Variants in SPAG9 observed in about 807,000 individuals in gnomAD.
SPAG9 encodes the protein sperm associated antigen 9, also known as C-Jun-amino-terminal kinase-interacting protein 4.
A neutral mutation model predicts 166.5 loss-of-function variants in SPAG9; 35 were observed. The ratio of observed to expected loss-of-function variants is 0.21; its 90% CI spans 0.16 to 0.28. The LOEUF (loss-of-function observed/expected upper bound fraction) is 0.28. Ranked by LOEUF, SPAG9 falls within the 10% of genes least tolerant of loss-of-function variation. SPAG9 has a pLI of 1.00. For synonymous variants in SPAG9, 534 were observed against 565.5 expected, an observed-to-expected ratio of 0.94 and a Z score of 0.79; for missense variants, 1,235 against 1,603.3, an observed-to-expected ratio of 0.77 and a Z score of 3.92.
intron 1 of SPAG9, among the ~76,000 whole-genome samples, chr17:51,094,944 G>C (rs927145742): frequency 2.6e-5 from 4 of 152,182 alleles, no homozygotes; most frequent in African/African-American, 9.7e-5. Flanking sequence ...AGAATCACCA[G>C]TAAATGTAAA....
chr17:51,027,887 T>TAGA (rs1241595026), intron 6 of SPAG9, among the ~76,000 whole-genome samples: 1 of 152,168 alleles, frequency 6.6e-6, no homozygotes, highest in African/African-American at 2.4e-5. Context: ...GGAAGTACTC[T>TAGA]AGAAGAAGGC....
At chr17:51,041,396 T>C (rs1284522152) in intron 5 of SPAG9, 105 bp downstream of exon 5, 2 of 1,052,862 alleles carry the variant, frequency 1.9e-6, no homozygotes, top group Admixed American at 2.6e-5. Context: ...ACTAAATGTA[T>C]ACAAACAATT....
At chr17:50,969,497 T>G (rs984196764) in intron 29 of SPAG9, among the ~76,000 whole-genome samples, 5 of 152,120 alleles carry the variant, frequency 3.3e-5, no homozygotes, top group Admixed American at 2.6e-4. Context: ...GAACCTCCAG[T>G]CCATCCTTCA....
At chr17:51,113,602 C>T (rs1568100750) in intron 1 of SPAG9, among the ~76,000 whole-genome samples, 2 of 150,970 alleles carry the variant, frequency 1.3e-5, no homozygotes, top group African/African-American at 2.4e-5. Context: ...ACTGCTTGAA[C>T]CCGGGAGGCA....
intron 20 of SPAG9, 94 bp downstream of exon 20, chr17:50,990,356 C>A: frequency 1.0e-6 from 1 of 978,026 alleles, no homozygotes. Flanking sequence ...GTTCTTTCAA[C>A]CTTGTTACTT....
chr17:51,028,260 GA>G (rs935467245), intron 6 of SPAG9, among the ~76,000 whole-genome samples: 3 of 151,786 alleles, frequency 2.0e-5, no homozygotes, highest in South Asian at 2.1e-4. Context: ...TATTATTGAA[GA>G]AAAAAATTAA....
chr17:51,112,971 GA>G (rs71355712), intron 1 of SPAG9, among the ~76,000 whole-genome samples: 37 of 92,908 alleles, frequency 4.0e-4, no homozygotes, highest in East Asian at 6.7e-4. Context: ...CTAAAAAAAA[GA>G]AAAAAAAAAA....
intron 1 of SPAG9, among the ~76,000 whole-genome samples, chr17:51,112,154 T>A (rs1430406182): frequency 6.6e-6 from 1 of 152,050 alleles, no homozygotes; most frequent in Non-Finnish European, 1.5e-5. Context: ...AAACATAGAT[T>A]GTTCATTTCA....
chr17:51,000,946 T>C (rs1440023190), intron 13 of SPAG9, among the ~76,000 whole-genome samples: 1 of 152,180 alleles, frequency 6.6e-6, no homozygotes, highest in African/African-American at 2.4e-5. Flanking sequence ...TTATAAGCAA[T>C]TACTATCACA....
At chr17:50,992,255 T>TA (rs1195469685) in intron 19 of SPAG9, among the ~76,000 whole-genome samples, 4 of 152,128 alleles carry the variant, frequency 2.6e-5, no homozygotes, top group Non-Finnish European at 5.9e-5. Context: ...CTATTCTAGA[T>TA]ATCTCATATA....
chr17:51,058,925 T>C (rs1331181366), intron 2 of SPAG9, among the ~76,000 whole-genome samples: 1 of 152,224 alleles, frequency 6.6e-6, no homozygotes, highest in South Asian at 2.1e-4. Context: ...AACAATGTCA[T>C]TGCTAGAAAG....
intron 3 of SPAG9, among the ~76,000 whole-genome samples, chr17:51,053,107 A>C (rs7223642): frequency 0.043 from 6,567 of 151,728 alleles, 480 homozygotes; most frequent in African/African-American, 0.15. Context: ...TAATTTAATA[A>C]TTTTCAATTA....
intron 14 of SPAG9, 151 bp from the exon 15 acceptor site, chr17:50,998,768 GTAGCC>G (rs1555635498): frequency 3.1e-6 from 2 of 639,122 alleles, no homozygotes; most frequent in Non-Finnish European, 5.3e-6. Flanking sequence ...GTCATACGCT[GTAGCC>G]TTAGCAGTAA....
chr17:51,030,826 G>C (rs560608442), intron 6 of SPAG9: 18 of 152,152 alleles, frequency 1.2e-4, no homozygotes, highest in African/African-American at 4.3e-4. Flanking sequence ...ATGGACCCAG[G>C]TCAACCCCTG....
Position 50,987,137 on chromosome 17 carries a change from T to C in SPAG9, c.2914A>G (p.Met972Val), listed in dbSNP as rs775395886. The C allele has an allele frequency of 7.4e-6, 12 of 1,612,692 alleles. No homozygotes were observed. The highest frequency in any genetic ancestry group is 9.3e-6 in the Non-Finnish European group (11 of 1,179,530). Residue 972 changes from methionine to valine, a missense_variant, in exon 22 of 30, where the codon ATG becomes GTG. By Grantham distance (21) the Met-to-Val change is conservative (BLOSUM62 1). Around this residue, in one of 6 missense-constraint regions of SPAG9, gnomAD observed 493 missense variants for 559.4 expected, o/e 0.88. Coordinates refer to ENST00000262013, the MANE Select transcript of SPAG9 (RefSeq NM_001130528.3). ...AQKMSSLLPT[M>V]WLGAQNGCLY... is the part of the protein sequence containing the mutation. ...CAGCCATTTTGAGCTCCAAGCCACA[T>C]AGTTGGTAAAAGACTACTCATTTTC...
chr17:51,109,361 G>A (rs1038385022), intron 1 of SPAG9, among the ~76,000 whole-genome samples: 6 of 151,412 alleles, frequency 4.0e-5, no homozygotes, highest in African/African-American at 1.2e-4. Flanking sequence ...TTCAGCCTCC[G>A]GAGTAGCTGG....
chr17:50,993,702 A>G, intron 19 of SPAG9, 62 bp downstream of exon 19: 1 of 1,531,342 alleles, frequency 6.5e-7, no homozygotes, highest in East Asian at 2.3e-5. Context: ...CAGCTGCTAC[A>G]TCAGTGCCCA....
At chr17:50,979,681 C>T in intron 26 of SPAG9, 65 bp downstream of exon 26, 1 of 1,484,942 alleles carries the variant, frequency 6.7e-7, no homozygotes, top group Non-Finnish European at 9.3e-7. Flanking sequence ...TTTCAATAAA[C>T]ACATAGATAG....
At chr17:51,088,797 C>CA (rs78606534) in intron 1 of SPAG9, among the ~76,000 whole-genome samples, 79 of 136,692 alleles carry the variant, frequency 5.8e-4, no homozygotes, top group African/African-American at 6.7e-4. Context: ...GACTCCGTCT[C>CA]AAAAAAAAAA....
Sources: allele counts gnomAD v4.1 joint callset (sites outside exome capture counted in the v4.1 genomes callset), GRCh38; gene constraint gnomAD v4.1.1; regional missense constraint gnomAD v4.1.1; transcripts MANE v1.5; gene names NCBI Gene and HGNC (gene_info 2026-07-23, HGNC 2026-07-21).